DAB1: variants seen among roughly 807,000 people sequenced by gnomAD.
The protein encoded by DAB1 is disabled homolog 1.
Under a neutral mutation model 64.6 loss-of-function variants are expected in DAB1, and 15 were observed. That is an observed-to-expected ratio of 0.23 (90% CI 0.16 to 0.36). The LOEUF (loss-of-function observed/expected upper bound fraction) is 0.36. Ranked by LOEUF, DAB1 falls within the 10% of genes least tolerant of loss-of-function variation. DAB1 has a pLI of 1.00. For synonymous variants in DAB1, 235 were observed against 251.9 expected (o/e 0.93, Z 0.64); for missense variants, 596 against 706.7 (o/e 0.84, Z 1.78).
chr1:57,771,226 C>T (rs951832801), intron 6 of DAB1, among the ~76,000 whole-genome samples: 1 of 152,116 alleles, frequency 6.6e-6, no homozygotes, highest in Non-Finnish European at 1.5e-5. Context: ...TACTGGCTGG[C>T]TTGCTTGACT....
intron 5 of DAB1, among the ~76,000 whole-genome samples, chr1:57,963,432 A>G (rs565120898): frequency 5.9e-5 from 9 of 152,312 alleles, no homozygotes; most frequent in African/African-American, 2.2e-4. Context: ...GCATTTACCA[A>G]TCACGGTGCA....
intron 2 of DAB1, among the ~76,000 whole-genome samples, chr1:57,277,705 A>G (rs1433642868): frequency 6.6e-6 from 1 of 152,168 alleles, no homozygotes; most frequent in Non-Finnish European, 1.5e-5. Context: ...AGGGGTCCTG[A>G]TCCTTTTTAG....
At chr1:57,687,607 AAAAAAAAAAAAAG>A (rs1570738156) in intron 6 of DAB1, among the ~76,000 whole-genome samples, 1 of 148,086 alleles carries the variant, frequency 6.8e-6, no homozygotes, top group East Asian at 1.9e-4. Flanking sequence ...AACAAAAAAA[AAAAAAAAAAAAAG>A]AAAAAAAGAA....
intron 6 of DAB1, among the ~76,000 whole-genome samples, chr1:57,726,284 G>T (rs925924800): frequency 6.6e-6 from 1 of 152,168 alleles, no homozygotes; most frequent in Admixed American, 6.5e-5. Context: ...ATCACAGCAG[G>T]CTCTAAGAGT....
chr1:58,401,146 T>C (rs902691524), intron 3 of DAB1, among the ~76,000 whole-genome samples: 1 of 152,330 alleles, frequency 6.6e-6, no homozygotes. Context: ...ATAACTTACA[T>C]GAATCAATTC....
In DAB1 at chr1:58,371,781, T is replaced by A. The variant is rs1305708833; in HGVS notation, n.258-28378A>T. 2.0e-5 allele frequency among the ~76,000 whole-genome samples: 3 copies of A among 152,300 alleles called. No homozygotes were observed. The East Asian group carries it at 5.8e-4, about 29-fold the overall frequency. ...CCACTGTTGCTAAAAGGGGCCAAGGTACAGCTCCAGCCATTGCTTCAAAGG... is the reference window on the plus strand; with the variant it reads ...CCACTGTTGCTAAAAGGGGCCAAGGAACAGCTCCAGCCATTGCTTCAAAGG... On this transcript the variant is annotated intron_variant and non_coding_transcript_variant, in intron 3 of 20. Transcript: ENST00000485760.
At chr1:58,396,157 C>A (rs763790548) in intron 3 of DAB1, among the ~76,000 whole-genome samples, 4 of 151,674 alleles carry the variant, frequency 2.6e-5, no homozygotes, top group African/African-American at 7.3e-5. Flanking sequence ...AAATGAGGCA[C>A]CCCCAGGTCA....
intron 5 of DAB1, among the ~76,000 whole-genome samples, chr1:58,137,371 A>C (rs1275331535): frequency 6.6e-6 from 1 of 152,170 alleles, no homozygotes; most frequent in East Asian, 1.9e-4. Context: ...ATCCCATTAC[A>C]CCACTTCTCA....
intron 1 of DAB1, among the ~76,000 whole-genome samples, chr1:57,320,670 C>A (rs187650035): frequency 6.6e-6 from 1 of 152,110 alleles, no homozygotes; most frequent in Non-Finnish European, 1.5e-5. Context: ...CCCCAAGGCA[C>A]AAGTTTCTTT....
At chr1:58,056,514 A>T in intron 5 of DAB1, 1 of 1,095,818 alleles carries the variant, frequency 9.1e-7, no homozygotes, top group Non-Finnish European at 1.4e-6. Flanking sequence ...GCTCATGTGC[A>T]TTCTTAATGT....
chr1:58,307,639 G>A (rs759906623), intron 4 of DAB1, among the ~76,000 whole-genome samples: 70 of 152,132 alleles, frequency 4.6e-4, no homozygotes, highest in Non-Finnish European at 4.3e-4. Context: ...CCAGAGCTAA[G>A]TCTTGGAAGA....
rs968800773 is a variant in DAB1 at position 57,976,531 on chromosome 1, G to A, written n.388-92369C>T. Among the ~76,000 whole-genome samples the A allele has an allele frequency of 1.1e-4, 17 of 152,218 alleles. No individual in the cohort carries two copies. In the South Asian group the frequency reaches 2.1e-3, roughly 19 times the overall value. On this transcript the variant is annotated intron_variant and non_coding_transcript_variant, in intron 5 of 20. Coordinates refer to the DAB1 transcript ENST00000485760. ...TTTCCCCAGCGTCTGGTTGGTTTGC[G>A]TGCTTGGGATGATATCCAAACATTC...
At chr1:57,802,731 G>A (rs542964957) in intron 6 of DAB1, among the ~76,000 whole-genome samples, 354 of 152,132 alleles carry the variant, frequency 2.3e-3, no homozygotes, top group Non-Finnish European at 3.9e-3. Context: ...AGTAAGACAC[G>A]CCCACTTCCC....
At chr1:57,189,687 C>G (rs1663938794) in intron 2 of DAB1, among the ~76,000 whole-genome samples, 1 of 151,974 alleles carries the variant, frequency 6.6e-6, no homozygotes, top group Non-Finnish European at 1.5e-5. Context: ...GCCTATGGAC[C>G]AACCATCTGG....
chr1:58,292,575 G>A (rs946782043), intron 4 of DAB1, among the ~76,000 whole-genome samples: 24 of 152,166 alleles, frequency 1.6e-4, no homozygotes, highest in African/African-American at 5.8e-4. Context: ...GGTGTGGTGT[G>A]TGTTTAGATA....
intron 6 of DAB1, among the ~76,000 whole-genome samples, chr1:57,680,020 C>T (rs986788712): frequency 6.6e-6 from 1 of 152,216 alleles, no homozygotes; most frequent in African/African-American, 2.4e-5. Context: ...TTCTTCCTGA[C>T]TCCAAGGTCC....
intron 7 of DAB1, among the ~76,000 whole-genome samples, chr1:57,587,888 C>T (rs111950892): frequency 0.012 from 1,825 of 152,324 alleles, 16 homozygotes; most frequent in Non-Finnish European, 0.018. Flanking sequence ...CCACAGAAGC[C>T]ACCATTAAGT....
At chr1:57,452,166 C>CCCCCTT (rs367685387) in intron 7 of DAB1, among the ~76,000 whole-genome samples, 5 of 75,016 alleles carry the variant, frequency 6.7e-5, no homozygotes, top group African/African-American at 3.0e-4. Context: ...TGCACCCCCC[C>CCCCCTT]TTTTTTTTTT....
chr1:57,826,891 A>G (rs1652373609), intron 1 of DAB1, among the ~76,000 whole-genome samples: 1 of 152,214 alleles, frequency 6.6e-6, no homozygotes, highest in African/African-American at 2.4e-5. Flanking sequence ...AGGGAAAAAA[A>G]TTAGTAATAG....
Sources: gnomAD v4.1 joint callset for allele counts (sites outside exome capture counted in the v4.1 genomes callset) on GRCh38, gnomAD v4.1.1 for gene constraint, MANE v1.5 for transcripts, NCBI Gene and HGNC (gene_info 2026-07-23, HGNC 2026-07-21) for gene names.